UNC13C: variants seen among roughly 807,000 people sequenced by gnomAD.
UNC13C encodes the protein protein unc-13 homolog C.
Under a neutral mutation model 245.4 loss-of-function variants are expected in UNC13C, and 174 were observed. The ratio of observed to expected loss-of-function variants is 0.71; its 90% confidence interval spans 0.63 to 0.80. UNC13C has a LOEUF of 0.80. Among genes scored for constraint, UNC13C ranks in the 30% least tolerant of loss-of-function variants. The probability of loss-of-function intolerance (pLI) is 0.00; values close to 1 mark genes in which losing one functional copy is unlikely to be tolerated. For missense variants in UNC13C, 2,829 were observed against 2,602.9 expected, an observed-to-expected ratio of 1.09 and a Z score of -1.89; for synonymous variants, 992 against 895.1, an observed-to-expected ratio of 1.11 and a Z score of -1.93.
intron 19 of UNC13C, among the ~76,000 whole-genome samples, chr15:54,491,246 G>T (rs962722542): frequency 1.2e-4 from 18 of 151,964 alleles, no homozygotes; most frequent in Middle Eastern, 3.4e-3. Context: ...CCTAACATTT[G>T]CAGAGGCAAG....
intron 4 of UNC13C, among the ~76,000 whole-genome samples, chr15:54,154,176 T>C (rs914874169): frequency 6.6e-6 from 1 of 152,064 alleles, no homozygotes; most frequent in African/African-American, 2.4e-5. Flanking sequence ...TATTAACCTC[T>C]CTTCTTCCCC....
chr15:54,148,121 G>T (rs898410062), intron 4 of UNC13C, among the ~76,000 whole-genome samples: 1 of 152,124 alleles, frequency 6.6e-6, no homozygotes, highest in Non-Finnish European at 1.5e-5. Context: ...TGCAGAGACA[G>T]AGAAAAATGA....
At chr15:54,611,914 AC>A (rs1196699590) in intron 30 of UNC13C, among the ~76,000 whole-genome samples, 1 of 152,126 alleles carries the variant, frequency 6.6e-6, no homozygotes. Flanking sequence ...CATTTACATG[AC>A]CTTGCAACAT....
At chr15:53,937,627 C>A in the UNC13C span, among the ~76,000 whole-genome samples, 1 of 152,038 alleles carries the variant, frequency 6.6e-6, no homozygotes, top group Non-Finnish European at 1.5e-5. Flanking sequence ...TTAAAGGCAG[C>A]CAGAGAGAAA....
intron 19 of UNC13C, among the ~76,000 whole-genome samples, chr15:54,421,912 A>T (rs1170472049): frequency 6.6e-6 from 1 of 152,070 alleles, no homozygotes; most frequent in Non-Finnish European, 1.5e-5. Context: ...TCAATGCAAC[A>T]CAACAGGCAT....
At chr15:54,154,115 A>G (rs1421055511) in intron 4 of UNC13C, among the ~76,000 whole-genome samples, 1 of 151,976 alleles carries the variant, frequency 6.6e-6, no homozygotes, top group Non-Finnish European at 1.5e-5. Flanking sequence ...CACTCAACTG[A>G]TTTATTGAGC....
At chr15:54,021,680 C>T (rs532809295) in intron 2 of UNC13C, among the ~76,000 whole-genome samples, 1 of 152,272 alleles carries the variant, frequency 6.6e-6, no homozygotes, top group South Asian at 2.1e-4. Context: ...AAATATCAGT[C>T]TCAATTCCTT....
chr15:53,956,756 T>C, the UNC13C span, among the ~76,000 whole-genome samples: 2 of 151,524 alleles, frequency 1.3e-5, no homozygotes, highest in African/African-American at 4.9e-5. Context: ...CATGATGTGG[T>C]CCAGGAATGG....
At chr15:54,222,740 C>A (rs941377160) in intron 4 of UNC13C, among the ~76,000 whole-genome samples, 1 of 152,082 alleles carries the variant, frequency 6.6e-6, no homozygotes, top group Admixed American at 6.6e-5. Flanking sequence ...CTCTCTATAT[C>A]CTTGCCAGCA....
the UNC13C span, among the ~76,000 whole-genome samples, chr15:53,885,101 G>T: frequency 6.6e-6 from 1 of 152,206 alleles, no homozygotes; most frequent in Non-Finnish European, 1.5e-5. Context: ...AGAAAGTCAG[G>T]GGATTTCAGG....
At chr15:54,148,881 C>A (rs2032394326) in intron 4 of UNC13C, among the ~76,000 whole-genome samples, 1 of 152,148 alleles carries the variant, frequency 6.6e-6, no homozygotes, top group Non-Finnish European at 1.5e-5. Flanking sequence ...AAATGACAGC[C>A]CCCACATAAC....
At chr15:54,368,731 T>A (rs2039422454) in intron 17 of UNC13C, among the ~76,000 whole-genome samples, 1 of 152,144 alleles carries the variant, frequency 6.6e-6, no homozygotes, top group Non-Finnish European at 1.5e-5. Flanking sequence ...AAGGCAGAGA[T>A]TTCATTCATC....
chr15:54,629,794 T>G (rs1319865034), downstream of UNC13C: 1 of 152,180 alleles, frequency 6.6e-6, no homozygotes, highest in African/African-American at 2.4e-5. Flanking sequence ...AAGGTATTTT[T>G]TCCCTGACAT....
chr15:53,938,532 C>T, the UNC13C span, among the ~76,000 whole-genome samples: 6 of 152,152 alleles, frequency 3.9e-5, no homozygotes, highest in African/African-American at 9.7e-5. Context: ...GCAGAGCTGT[C>T]CACCCCCAAA....
At chr15:54,414,248 C>T (rs759026944) in intron 18 of UNC13C, among the ~76,000 whole-genome samples, 11 of 152,112 alleles carry the variant, frequency 7.2e-5, no homozygotes, top group Non-Finnish European at 1.3e-4. Flanking sequence ...CTTAATTGTG[C>T]TTCAAAGAAA....
chr15:53,953,899 T>TG, the UNC13C span, among the ~76,000 whole-genome samples: 1 of 152,216 alleles, frequency 6.6e-6, no homozygotes, highest in Admixed American at 6.5e-5. Context: ...GCTTGTTAAT[T>TG]GGTGGATAGA....
intron 4 of UNC13C, among the ~76,000 whole-genome samples, chr15:54,217,825 T>C (rs1248573107): frequency 6.6e-6 from 1 of 151,866 alleles, no homozygotes; most frequent in African/African-American, 2.4e-5. Context: ...TAACCCTCTT[T>C]AGTGTGAGGT....
chr15:54,572,424 ATTT>A (rs1336090253), intron 30 of UNC13C, among the ~76,000 whole-genome samples: 1 of 131,594 alleles, frequency 7.6e-6, no homozygotes. Context: ...TGTCTCTTTA[ATTT>A]TTTTTTTTTT....
Position 54,627,344 on chromosome 15 carries a change from CT to C in UNC13C, c.*235del. 2.7e-6 allele frequency: 1 copy of C among 372,226 alleles called. No individual in the cohort carries two copies. Among genetic ancestry groups the C allele is most frequent in the Non-Finnish European group, 4.8e-6 (1 of 206,600 alleles). 23.1% of individuals were successfully genotyped at this position (372,226 alleles called of 1,614,324 possible). A position where few individuals can be genotyped will look rare whatever the true frequency, so the allele number is the denominator to read the frequency against. On this transcript the variant is annotated 3_prime_UTR_variant, in exon 33 of 33. Coordinates refer to ENST00000260323, the MANE Select transcript of UNC13C (RefSeq NM_001080534.3). ...ATGTAAAGTGAAATATCAAGAACAC[CT>C]TTTAACATGTTTATTTTGTTTCTTT...
Sources: gnomAD v4.1 joint callset for allele counts (sites outside exome capture counted in the v4.1 genomes callset) on GRCh38, gnomAD v4.1.1 for gene constraint, MANE v1.5 for transcripts, NCBI Gene and HGNC (gene_info 2026-07-23, HGNC 2026-07-21) for gene names.